Variants in LRRC4C observed in about 807,000 individuals in gnomAD.
LRRC4C encodes leucine-rich repeat-containing protein 4C.
LRRC4C carries 5 observed loss-of-function variants against 33.6 expected under a neutral mutation model. That is an observed-to-expected ratio of 0.15 (90% CI 0.08 to 0.31). The LOEUF (loss-of-function observed/expected upper bound fraction) is 0.31, where lower values mean the gene tolerates loss of function less well. Among genes scored for constraint, LRRC4C ranks in the 10% least tolerant of loss-of-function variants. The pLI, the probability that LRRC4C is intolerant of heterozygous loss-of-function variation, is 1.00. For missense variants in LRRC4C, 560 were observed against 796.7 expected (o/e 0.70, Z 3.58); for synonymous variants, 329 against 302.0 (o/e 1.09, Z -0.93).
chr11:40,723,734 TG>T (rs1413632601), intron 2 of LRRC4C, among the ~76,000 whole-genome samples: 2 of 152,104 alleles, frequency 1.3e-5, no homozygotes, highest in Non-Finnish European at 2.9e-5. Context: ...AACACCATCA[TG>T]ACAGGAGAAA....
chr11:40,319,318 T>G (rs1232418140), intron 4 of LRRC4C, among the ~76,000 whole-genome samples: 1 of 151,900 alleles, frequency 6.6e-6, no homozygotes, highest in Non-Finnish European at 1.5e-5. Context: ...GAAGATACAC[T>G]CAGGTCTGCT....
At chr11:40,976,407 C>A (rs1232008285) in intron 1 of LRRC4C, among the ~76,000 whole-genome samples, 2 of 152,174 alleles carry the variant, frequency 1.3e-5, no homozygotes. Context: ...GGCTTGAGGG[C>A]ATTTTCAGTG....
intron 4 of LRRC4C, among the ~76,000 whole-genome samples, chr11:40,315,348 A>T (rs11035778): frequency 6.6e-6 from 1 of 151,876 alleles, no homozygotes; most frequent in Non-Finnish European, 1.5e-5. Context: ...AATTTATTTT[A>T]TTCTCCTAGT....
At chr11:40,836,576 C>G (rs1952677054) in intron 2 of LRRC4C, among the ~76,000 whole-genome samples, 1 of 152,042 alleles carries the variant, frequency 6.6e-6, no homozygotes, top group Admixed American at 6.6e-5. Flanking sequence ...GATTTCTAAG[C>G]AAATTTATTT....
At chr11:40,674,398 C>T (rs1250573759) in intron 2 of LRRC4C, among the ~76,000 whole-genome samples, 2 of 152,084 alleles carry the variant, frequency 1.3e-5, no homozygotes, top group Non-Finnish European at 2.9e-5. Flanking sequence ...TAGAAGAGAG[C>T]AATAAAATCT....
At chr11:40,781,907 C>T (rs1037665564) in intron 2 of LRRC4C, among the ~76,000 whole-genome samples, 6 of 152,160 alleles carry the variant, frequency 3.9e-5, no homozygotes, top group African/African-American at 1.4e-4. Context: ...GCTTTCTGCT[C>T]TGTAATTAAC....
chr11:40,836,974 C>A (rs549336337), intron 2 of LRRC4C, among the ~76,000 whole-genome samples: 1 of 152,164 alleles, frequency 6.6e-6, no homozygotes, highest in Non-Finnish European at 1.5e-5. Context: ...TCACTAGTGA[C>A]ATGGCCTGTA....
intron 1 of LRRC4C, among the ~76,000 whole-genome samples, chr11:41,273,631 T>C (rs2136863576): frequency 6.6e-6 from 1 of 152,184 alleles, no homozygotes; most frequent in East Asian, 1.9e-4. Context: ...TGAATATTCA[T>C]TTTCAGTTAC....
chr11:41,441,620 A>AC (rs1246755371), intron 1 of LRRC4C, among the ~76,000 whole-genome samples: 1 of 151,540 alleles, frequency 6.6e-6, no homozygotes, highest in Non-Finnish European at 1.5e-5. Context: ...CAGTTAAAAA[A>AC]AAAAAAAAAA....
intron 2 of LRRC4C, among the ~76,000 whole-genome samples, chr11:40,793,956 C>A (rs1296238915): frequency 6.6e-6 from 1 of 152,132 alleles, no homozygotes; most frequent in African/African-American, 2.4e-5. Context: ...AGGCTGCCTT[C>A]TTTCTCTATT....
chr11:40,465,863 G>A (rs76506256), intron 3 of LRRC4C, among the ~76,000 whole-genome samples: 6,198 of 152,060 alleles, frequency 0.041, 405 homozygotes, highest in African/African-American at 0.14. Flanking sequence ...ACAACAGTGT[G>A]GAGATTTCTC....
intron 3 of LRRC4C, among the ~76,000 whole-genome samples, chr11:40,581,238 C>G (rs1958451521): frequency 6.6e-6 from 1 of 152,208 alleles, no homozygotes; most frequent in African/African-American, 2.4e-5. Context: ...AACCATAACT[C>G]AGTACAACGC....
At chr11:41,241,014 T>C (rs1046523484) in intron 1 of LRRC4C, among the ~76,000 whole-genome samples, 2 of 152,310 alleles carry the variant, frequency 1.3e-5, no homozygotes, top group Middle Eastern at 6.8e-3. Context: ...AGTCTTTCTC[T>C]AGGTTCTATA....
chr11:40,250,227 T>G (rs1318953723), intron 4 of LRRC4C, among the ~76,000 whole-genome samples: 1 of 151,172 alleles, frequency 6.6e-6, no homozygotes, highest in African/African-American at 2.4e-5. Context: ...ATATAACTTT[T>G]GCAAAAGAAA....
chr11:40,732,480 A>G lies in LRRC4C; in HGVS notation c.-406-84202T>C, dbSNP rs144205532. Among the ~76,000 whole-genome samples, 4 of 152,290 alleles carry G rather than the reference A, an allele frequency of 2.6e-5. No homozygotes were observed. The East Asian group carries it at 7.8e-4, about 30-fold the overall frequency. On this transcript the variant is annotated intron_variant, in intron 2 of 6. Transcript: ENST00000528697. ...GAAGTTAAAGTGACACTAAGTGTAAATTCAAGCAGTTGTTATTGAGTTTGC... is the reference window on the plus strand; with the variant it reads ...GAAGTTAAAGTGACACTAAGTGTAAGTTCAAGCAGTTGTTATTGAGTTTGC...
At chr11:40,326,898 C>G (rs959385685) in intron 3 of LRRC4C, among the ~76,000 whole-genome samples, 2 of 152,092 alleles carry the variant, frequency 1.3e-5, no homozygotes, top group African/African-American at 2.4e-5. Context: ...GAGGAAAGTT[C>G]AGTAGTATTT....
chr11:40,216,767 C>A (rs901033028), intron 5 of LRRC4C, among the ~76,000 whole-genome samples: 1 of 152,084 alleles, frequency 6.6e-6, no homozygotes. Context: ...TATTCTGCAC[C>A]ACAAAGTAAC....
In LRRC4C at chr11:40,545,937, C is replaced by A. The variant is rs180908300; in HGVS notation, c.-270+102205G>T. 1.1e-4 allele frequency among the ~76,000 whole-genome samples: 17 copies of A among 152,056 alleles called. No individual in the cohort carries two copies. In the East Asian group the frequency reaches 2.9e-3, roughly 26 times the overall value. ...CATTGGAAAATGGTACATTACCAACCCTGAGAGTTAATACACCTAGCGTGT... is the reference window on the plus strand; with the variant it reads ...CATTGGAAAATGGTACATTACCAACACTGAGAGTTAATACACCTAGCGTGT... On this transcript the variant is annotated intron_variant, in intron 3 of 6. Transcript: ENST00000528697.
chr11:41,230,194 T>C (rs1189653515), intron 1 of LRRC4C, among the ~76,000 whole-genome samples: 1 of 152,138 alleles, frequency 6.6e-6, no homozygotes, highest in East Asian at 1.9e-4. Flanking sequence ...AACTCATTTT[T>C]GAACATTTTT....
Sources: allele counts gnomAD v4.1 joint callset (sites outside exome capture counted in the v4.1 genomes callset), GRCh38; gene constraint gnomAD v4.1.1; transcripts MANE v1.5; gene names NCBI Gene and HGNC (gene_info 2026-07-23, HGNC 2026-07-21).